The following BICC1 variants were observed in gnomAD, a reference collection of about 807,000 sequenced individuals.
BICC1 encodes BicC family RNA binding protein 1.
A neutral mutation model predicts 111.0 loss-of-function variants in BICC1; 43 were observed. The observed-to-expected ratio is 0.39, with a 90% confidence interval of 0.30 to 0.50. The LOEUF is 0.50. BICC1 is among the 20% of genes least tolerant of loss of function. BICC1 has a pLI of 0.88. For missense variants in BICC1, 1,091 were observed against 1,203.2 expected (o/e 0.91, Z 1.38); for synonymous variants, 467 against 434.4 (o/e 1.07, Z -0.93).
chr10:58,738,499 T>A (rs1029753757), intron 3 of BICC1, among the ~76,000 whole-genome samples: 2 of 152,178 alleles, frequency 1.3e-5, no homozygotes, highest in African/African-American at 4.8e-5. Flanking sequence ...AGCCTTGTAG[T>A]GTAGTTTGAA....
chr10:58,630,205 G>T (rs1246217749), intron 2 of BICC1, among the ~76,000 whole-genome samples: 1 of 152,122 alleles, frequency 6.6e-6, no homozygotes, highest in African/African-American at 2.4e-5. Context: ...GAATGGGGAG[G>T]GTCATGAGGT....
intron 2 of BICC1, among the ~76,000 whole-genome samples, chr10:58,630,631 C>T (rs1209797396): frequency 6.6e-6 from 1 of 152,102 alleles, no homozygotes; most frequent in Non-Finnish European, 1.5e-5. Flanking sequence ...AGAGTCTTCC[C>T]CTTCTCCTGA....
At chr10:58,769,382 G>C (rs1171960322) in intron 3 of BICC1, among the ~76,000 whole-genome samples, 1 of 126,040 alleles carries the variant, frequency 7.9e-6, no homozygotes, top group Non-Finnish European at 1.7e-5. Flanking sequence ...ATGTATGTGT[G>C]TGTGTGTGTG....
chr10:58,537,151 G>A (rs1842846637), intron 1 of BICC1, among the ~76,000 whole-genome samples: 1 of 151,732 alleles, frequency 6.6e-6, no homozygotes. Context: ...AAGCAGAACT[G>A]GAATCAATTC....
chr10:58,730,882 C>A (rs942859560), intron 3 of BICC1, among the ~76,000 whole-genome samples: 13 of 152,100 alleles, frequency 8.5e-5, no homozygotes, highest in Non-Finnish European at 1.5e-4. Flanking sequence ...ATTCAGCCCC[C>A]CTAGGCCTCC....
chr10:58,806,554 C>T, intron 15 of BICC1, 30 bp from the exon 16 acceptor site: 1 of 1,604,072 alleles, frequency 6.2e-7, no homozygotes, highest in African/African-American at 1.3e-5. Context: ...GAGAGACTGT[C>T]AATAAAGGTA....
intron 2 of BICC1, among the ~76,000 whole-genome samples, chr10:58,629,368 C>T (rs1258846962): frequency 1.3e-5 from 2 of 151,404 alleles, no homozygotes; most frequent in Admixed American, 6.6e-5. Flanking sequence ...CAGAACTTAG[C>T]GATATTCTGA....
intron 1 of BICC1, among the ~76,000 whole-genome samples, chr10:58,615,552 G>A (rs1227518383): frequency 1.3e-5 from 2 of 152,118 alleles, no homozygotes; most frequent in African/African-American, 2.4e-5. Flanking sequence ...TGCCCCAGTC[G>A]GCTTGTTCGT....
chr10:58,812,506 TCTCA>T (rs1307945396), intron 17 of BICC1, among the ~76,000 whole-genome samples: 1 of 149,880 alleles, frequency 6.7e-6, no homozygotes, highest in Non-Finnish European at 1.5e-5. Flanking sequence ...TGAGACAGAG[TCTCA>T]CTCTGTTGCC....
At chr10:58,546,491 A>C (rs1174691848) in intron 1 of BICC1, among the ~76,000 whole-genome samples, 1 of 152,196 alleles carries the variant, frequency 6.6e-6, no homozygotes, top group Non-Finnish European at 1.5e-5. Flanking sequence ...TTATGGGCCA[A>C]GTAAAATACC....
chr10:58,549,668 A>ATTGT (rs549783336), intron 1 of BICC1, among the ~76,000 whole-genome samples: 4 of 146,136 alleles, frequency 2.7e-5, no homozygotes, highest in African/African-American at 1.0e-4. Context: ...AGTTTCAAGA[A>ATTGT]TTGTTTGTTT....
At chr10:58,544,489 G>A (rs1843082089) in intron 1 of BICC1, among the ~76,000 whole-genome samples, 1 of 152,098 alleles carries the variant, frequency 6.6e-6, no homozygotes, top group African/African-American at 2.4e-5. Flanking sequence ...GTCCGATTTT[G>A]AGTGTTTATT....
chr10:58,602,001 C>T (rs1260716468), intron 1 of BICC1, among the ~76,000 whole-genome samples: 1 of 151,972 alleles, frequency 6.6e-6, no homozygotes, highest in Non-Finnish European at 1.5e-5. Flanking sequence ...TAGAGCATTG[C>T]CAACTATTAA....
chr10:58,754,742 T>C (rs11006252), intron 3 of BICC1, among the ~76,000 whole-genome samples: 83,699 of 151,488 alleles, frequency 0.55, 23,292 homozygotes, highest in Admixed American at 0.64. Context: ...AGGGACAAAC[T>C]TGTGAGGGGG....
At chr10:58,524,941 G>T (rs1358209396) in intron 1 of BICC1, among the ~76,000 whole-genome samples, 20 of 152,210 alleles carry the variant, frequency 1.3e-4, no homozygotes, top group Non-Finnish European at 1.9e-4. Context: ...CACTTTTGCA[G>T]CCAACAGACA....
intron 3 of BICC1, among the ~76,000 whole-genome samples, chr10:58,734,128 C>T (rs745684075): frequency 9.9e-5 from 15 of 152,160 alleles, no homozygotes; most frequent in Non-Finnish European, 1.3e-4. Context: ...AAAGCTGGGA[C>T]TGTGTTTAAG....
intron 1 of BICC1, among the ~76,000 whole-genome samples, chr10:58,550,156 A>C (rs1002932228): frequency 1.3e-5 from 2 of 152,072 alleles, no homozygotes; most frequent in Non-Finnish European, 2.9e-5. Context: ...CTGGGACTAC[A>C]GGCAGTGCCA....
At chr10:58,677,948 C>CT (rs1365195859) in intron 2 of BICC1, among the ~76,000 whole-genome samples, 1 of 152,122 alleles carries the variant, frequency 6.6e-6, no homozygotes, top group Admixed American at 6.5e-5. Context: ...AACTAAGCTT[C>CT]ATAAGTGAGG....
chr10:58,536,375 A>G (rs1260659205), intron 1 of BICC1, among the ~76,000 whole-genome samples: 2 of 151,780 alleles, frequency 1.3e-5, no homozygotes, highest in Non-Finnish European at 3.0e-5. Context: ...CACATCAACC[A>G]TATTCTCAGA....
Sources: allele counts gnomAD v4.1 joint callset (sites outside exome capture counted in the v4.1 genomes callset), GRCh38; gene constraint gnomAD v4.1.1; transcripts MANE v1.5; gene names NCBI Gene and HGNC (gene_info 2026-07-23, HGNC 2026-07-21).